Variants in LTBP2 observed in about 807,000 individuals in gnomAD.
LTBP2 encodes latent-transforming growth factor beta-binding protein 2.
In LTBP2, 103 loss-of-function variants were observed where a neutral mutation model predicts 210.6. That is an observed-to-expected ratio of 0.49 (90% CI 0.42 to 0.58). The LOEUF (loss-of-function observed/expected upper bound fraction) is 0.58, where lower values mean the gene tolerates loss of function less well. Ranked by LOEUF, LTBP2 falls within the 20% of genes least tolerant of loss-of-function variation. LTBP2 has a pLI of 0.00. For missense variants in LTBP2, 2,313 were observed against 2,494.5 expected (o/e 0.93, Z 1.55); for synonymous variants, 1,007 against 1,015.0 (o/e 0.99, Z 0.15).
intron 8 of LTBP2, among the ~76,000 whole-genome samples, chr14:74,545,878 G>A (rs769765027): frequency 8.5e-5 from 13 of 152,244 alleles, no homozygotes; most frequent in Non-Finnish European, 1.8e-4. Flanking sequence ...AGTGAAGGGA[G>A]CAGAGGGGAA....
chr14:74,556,278 A>ATCC, intron 3 of LTBP2, among the ~76,000 whole-genome samples: 1 of 152,354 alleles, frequency 6.6e-6, no homozygotes, highest in East Asian at 1.9e-4. Flanking sequence ...ATCCTAACAC[A>ATCC]GCAACTACTT....
At chr14:74,520,293 G>T (rs967747937) in intron 17 of LTBP2, among the ~76,000 whole-genome samples, 4 of 152,168 alleles carry the variant, frequency 2.6e-5, no homozygotes, top group Non-Finnish European at 5.9e-5. Context: ...GTCTTTGGAA[G>T]CAAACCATGC....
intron 7 of LTBP2, 87 bp downstream of exon 7, chr14:74,550,977 A>G: frequency 6.6e-7 from 1 of 1,516,724 alleles, no homozygotes; most frequent in Non-Finnish European, 9.1e-7. Context: ...CATAAGAACA[A>G]AGAGGACAGA....
Position 74,525,126 on chromosome 14 carries a change from G to C in LTBP2, c.2528C>G (p.Pro843Arg). 7.5e-6 allele frequency: 10 copies of C among 1,325,072 alleles called. No homozygotes were observed. Among genetic ancestry groups the C allele is most frequent in the Non-Finnish European group, 9.7e-6 (10 of 1,027,038 alleles). 82.1% of individuals were successfully genotyped at this position (1,325,072 alleles called of 1,614,324 possible). A position where few individuals can be genotyped will look rare whatever the true frequency, so the allele number is the denominator to read the frequency against. ...STDVLVTLST[P>R]GIDRCAAGAT... ...CCCAAAGGTCTGGCTGCAGCTACCT[G>C]GGGTGCTCAGGGTCACCAGCACATC... Residue 843 changes from proline (P) to arginine (R), a missense_variant and splice_region_variant, in exon 15 of 36, where the codon CCA becomes CGA. Pro to Arg is a moderately radical substitution (Grantham distance 103). Transcript: ENST00000261978.
chr14:74,559,695 C>A (rs1053422312), intron 3 of LTBP2: 1 of 152,216 alleles, frequency 6.6e-6, no homozygotes, highest in Non-Finnish European at 1.5e-5. Flanking sequence ...CTTGTGTTAT[C>A]TTTGCACTCA....
At chr14:74,608,756 A>C (rs2088564754) in intron 1 of LTBP2, among the ~76,000 whole-genome samples, 1 of 127,040 alleles carries the variant, frequency 7.9e-6, no homozygotes, top group African/African-American at 3.2e-5. Flanking sequence ...AATAAAGAAA[A>C]GAAAAGAAAT....
At position 74,611,617 on chromosome 14, in the gene LTBP2, G is replaced by T. The variant is rs1263916438; in HGVS notation, c.328C>A (p.Gln110Lys). ...GGTGGCTGGACACGCCGCGACTGCT[G>T]CGCGCGGGACGGCCTCCTGGCCTCC... The part of the protein sequence containing the change: ...EAEARRPSRA[Q>K]QSRRVQPPAQ... The change falls in exon 1 of 36, where the codon CAG (glutamine) becomes AAG (lysine). Residue 110 changes from glutamine to lysine, a missense_variant. Gln to Lys is a moderately conservative substitution (Grantham distance 53). Coordinates refer to ENST00000261978, the MANE Select transcript of LTBP2 (RefSeq NM_000428.3). 7 of 1,562,594 alleles carry T rather than the reference G, an allele frequency of 4.5e-6. No homozygotes were observed.
Position 74,528,619 on chromosome 14 carries a change from G to A in LTBP2, c.2232C>T (p.Ala744=), listed in dbSNP as rs150924217. 21 of 1,613,452 alleles carry A rather than the reference G, an allele frequency of 1.3e-5. No homozygotes were observed. The highest frequency in any genetic ancestry group is 5.3e-5 in the African/African-American group (4 of 74,944). The change falls in exon 12 of 36, where the codon GCC becomes GCT. Residue 744 remains alanine, a synonymous_variant. Coordinates refer to ENST00000261978, the MANE Select transcript of LTBP2 (RefSeq NM_000428.3). ...GGGGCCTTGCCAGTTCCTCCTCCTC[G>A]GCTTTCCTCATGGACAGGCGGATGT... ...SSDIRLSMRK[A]EEEELARPPR...
intron 16 of LTBP2, among the ~76,000 whole-genome samples, chr14:74,522,249 G>A (rs1001522032): frequency 2.0e-5 from 3 of 152,134 alleles, no homozygotes; most frequent in African/African-American, 7.2e-5. Context: ...GAAGCCTGGC[G>A]TGACTGCCAG....
chr14:74,583,895 G>GA (rs1290396085), intron 3 of LTBP2, among the ~76,000 whole-genome samples: 1 of 152,160 alleles, frequency 6.6e-6, no homozygotes, highest in African/African-American at 2.4e-5. Flanking sequence ...CTGCGCTAGG[G>GA]AAAAATGGAG....
intron 3 of LTBP2, among the ~76,000 whole-genome samples, chr14:74,572,340 A>AGAGAGT (rs139508440): frequency 1.1e-3 from 157 of 147,080 alleles, no homozygotes; most frequent in African/African-American, 2.5e-3. Context: ...AGAGAGAGAG[A>AGAGAGT]GTGTGTGTGT....
intron 8 of LTBP2, among the ~76,000 whole-genome samples, chr14:74,541,058 T>C (rs939690950): frequency 6.7e-6 from 1 of 149,736 alleles, no homozygotes. Context: ...TTGTGACAGG[T>C]GAAGGCAGGT....
At position 74,510,097 on chromosome 14, in the gene LTBP2, A is replaced by AAGGT. The variant is rs1345388641; in HGVS notation, c.3144_3145insACCT (p.Cys1049ThrfsTer7). ...CGCTTCAGCATCTCTGTACCTTGGC[A>AAGGT]GCCCTTCTCATCTGAGGTGACCTCA... On this transcript the variant is annotated frameshift_variant, in exon 20 of 36. Coordinates refer to ENST00000261978, the MANE Select transcript of LTBP2 (RefSeq NM_000428.3). LOFTEE classifies it high-confidence loss of function. 3.7e-6 allele frequency: 6 copies of AAGGT among 1,614,086 alleles called. 1 individual carries two copies. In the Admixed American group the frequency reaches 1.0e-4, roughly 27 times the overall value.
rs568215347 is a variant in LTBP2 at position 74,499,002 on chromosome 14, A to C, written c.*1882T>G. 4.5e-6 allele frequency: 1 copy of C among 220,242 alleles called. No homozygotes were observed. The highest frequency in any genetic ancestry group is 9.1e-6 in the Non-Finnish European group (1 of 109,976). 13.6% of individuals were successfully genotyped at this position (220,242 alleles called of 1,614,324 possible). A position where few individuals can be genotyped will look rare whatever the true frequency, so the allele number is the denominator to read the frequency against. On this transcript the variant is annotated 3_prime_UTR_variant, in exon 36 of 36. Coordinates refer to ENST00000261978, the MANE Select transcript of LTBP2 (RefSeq NM_000428.3). Reference sequence around the variant, plus strand: ...TCTGGTGAAAATATATCTGAAGGTTAAGTTCCTAGAAGTGGAAACTACTGG... The same window carrying C: ...TCTGGTGAAAATATATCTGAAGGTTCAGTTCCTAGAAGTGGAAACTACTGG...
rs150597520 is a variant in LTBP2 at position 74,530,578 on chromosome 14, C to T, written c.1988-1456G>A. Among the ~76,000 whole-genome samples, 350 of 152,310 alleles carry T rather than the reference C, an allele frequency of 2.3e-3. 1 individual carries two copies. Among genetic ancestry groups the T allele is most frequent in the African/African-American group, 7.4e-3 (306 of 41,568 alleles). ...TTGCCCAGGCTGCAGTATAGTGGCA[C>T]GATCTCGGCTCACTGCAACCTTTGC... On this transcript the variant is annotated intron_variant, in intron 10 of 35. Transcript: ENST00000261978.
intron 8 of LTBP2, among the ~76,000 whole-genome samples, chr14:74,543,884 T>C (rs2087546653): frequency 1.3e-5 from 2 of 152,168 alleles, no homozygotes; most frequent in Non-Finnish European, 2.9e-5. Context: ...CAGAGCAAGA[T>C]AGAACCAAAG....
chr14:74,511,418 AGGT>A, intron 18 of LTBP2, 54 bp from the exon 19 acceptor site: 1 of 1,611,130 alleles, frequency 6.2e-7, no homozygotes, highest in Non-Finnish European at 8.5e-7. Context: ...GCAAATGGGT[AGGT>A]CTGTGACACA....
intron 10 of LTBP2, 51 bp downstream of exon 10, chr14:74,532,375 C>A: frequency 6.2e-7 from 1 of 1,609,612 alleles, no homozygotes; most frequent in Non-Finnish European, 8.5e-7. Flanking sequence ...CCTGAAGTGT[C>A]CCATCTTGTC....
At position 74,567,200 on chromosome 14, in the gene LTBP2, G is replaced by C. The variant is rs149760476; in HGVS notation, c.831-11507C>G. Among the ~76,000 whole-genome samples, 534 of 152,304 alleles carry C rather than the reference G, an allele frequency of 3.5e-3. 5 individuals are homozygous for C. Among genetic ancestry groups the C allele is most frequent in the African/African-American group, 0.012 (510 of 41,578 alleles). The stretch of plus-strand genomic sequence containing the variant: ...CCCCCTCAAGGGCAGCCCTGAAGTA[G>C]GTGCTGCCTCAGTTTCTAAAGGGTC... On this transcript the variant is annotated intron_variant, in intron 3 of 35. Coordinates refer to ENST00000261978, the MANE Select transcript of LTBP2 (RefSeq NM_000428.3).
Sources: gnomAD v4.1 joint callset for allele counts (sites outside exome capture counted in the v4.1 genomes callset) on GRCh38, gnomAD v4.1.1 for gene constraint, MANE v1.5 for transcripts, NCBI Gene and HGNC (gene_info 2026-07-23, HGNC 2026-07-21) for gene names.